The following CNTNAP5 variants were observed in gnomAD, a reference collection of about 807,000 sequenced individuals.
The protein encoded by CNTNAP5 is contactin-associated protein-like 5.
Under a neutral mutation model 150.2 loss-of-function variants are expected in CNTNAP5, and 72 were observed. The observed-to-expected ratio is 0.48, with a 90% CI of 0.40 to 0.58. The LOEUF (loss-of-function observed/expected upper bound fraction) is 0.58. Ranked by LOEUF, CNTNAP5 falls within the 20% of genes least tolerant of loss-of-function variation. The pLI, the probability that CNTNAP5 is intolerant of heterozygous loss-of-function variation, is 0.00. For synonymous variants in CNTNAP5, 672 were observed against 619.8 expected, an observed-to-expected ratio of 1.08 and a Z score of -1.25; for missense variants, 1,636 against 1,626.2, an observed-to-expected ratio of 1.01 and a Z score of -0.10.
intron 6 of CNTNAP5, among the ~76,000 whole-genome samples, chr2:124,468,593 T>C (rs1245818734): frequency 6.6e-6 from 1 of 152,126 alleles, no homozygotes; most frequent in African/African-American, 2.4e-5. Context: ...TAATCTCTTC[T>C]GGCAACAGCC....
At position 124,294,517 on chromosome 2, in the gene CNTNAP5, G is replaced by A. The variant is rs76050933; in HGVS notation, c.381+52124G>A. ...GGCAGTGGAAACCACAAAATGACAA[G>A]TGCAAAAGCCCTGGGGCAGGATCAA... On this transcript the variant is annotated intron_variant, in intron 3 of 23. Coordinates refer to ENST00000682447, the MANE Select transcript of CNTNAP5 (RefSeq NM_001367498.1). Among the ~76,000 whole-genome samples the A allele has an allele frequency of 5.8e-3, 888 of 152,256 alleles. 12 individuals carry two copies. Among genetic ancestry groups the A allele is most frequent in the African/African-American group, 0.02 (844 of 41,548 alleles).
At chr2:124,047,135 C>T (rs1001113370) in intron 1 of CNTNAP5, among the ~76,000 whole-genome samples, 2 of 152,182 alleles carry the variant, frequency 1.3e-5, no homozygotes, top group Non-Finnish European at 2.9e-5. Context: ...ACACTTACTA[C>T]AGACTAGAAA....
chr2:124,090,214 A>T (rs1424025887), intron 1 of CNTNAP5, among the ~76,000 whole-genome samples: 1 of 152,224 alleles, frequency 6.6e-6, no homozygotes, highest in Non-Finnish European at 1.5e-5. Flanking sequence ...ATAATTTAGG[A>T]TGATTATAAA....
intron 17 of CNTNAP5, among the ~76,000 whole-genome samples, chr2:124,775,810 C>T (rs1234418275): frequency 1.3e-5 from 2 of 152,260 alleles, no homozygotes; most frequent in East Asian, 1.9e-4. Context: ...AAGCTGCAAG[C>T]GTGTGGCATT....
intron 1 of CNTNAP5, among the ~76,000 whole-genome samples, chr2:124,072,780 T>C (rs2104666053): frequency 6.6e-6 from 1 of 152,146 alleles, no homozygotes; most frequent in Non-Finnish European, 1.5e-5. Flanking sequence ...ATGTCCACAT[T>C]ACCCAAAACA....
chr2:124,731,146 A>T (rs1680262455), intron 13 of CNTNAP5, among the ~76,000 whole-genome samples: 1 of 152,082 alleles, frequency 6.6e-6, no homozygotes, highest in African/African-American at 2.4e-5. Flanking sequence ...ACTTGCAGCC[A>T]TCAGTCATGT....
At chr2:124,795,196 G>A (rs1681818875) in intron 18 of CNTNAP5, among the ~76,000 whole-genome samples, 2 of 152,124 alleles carry the variant, frequency 1.3e-5, no homozygotes, top group South Asian at 2.1e-4. Flanking sequence ...AATTCATCCT[G>A]ATTTATATTT....
chr2:124,175,589 C>A (rs1347265138), intron 1 of CNTNAP5, among the ~76,000 whole-genome samples: 1 of 152,070 alleles, frequency 6.6e-6, no homozygotes, highest in East Asian at 1.9e-4. Flanking sequence ...CAGCCCTTGC[C>A]CCCACCCAAG....
rs1558893951 is a variant in CNTNAP5 at position 124,419,932 on chromosome 2, CTTT to C, written c.529+2343_529+2345del. Reference sequence around the variant, plus strand: ...TCTTTCTTTCTTTCTTTCTTTCTTTCTTTCTTTCTTTCTTTCTTTCTTTCCTTT... The same window carrying C: ...TCTTTCTTTCTTTCTTTCTTTCTTTCCTTTCTTTCTTTCTTTCTTTCCTTT... On this transcript the variant is annotated intron_variant, in intron 4 of 23. Coordinates refer to ENST00000682447, the MANE Select transcript of CNTNAP5 (RefSeq NM_001367498.1). 5.2e-3 allele frequency among the ~76,000 whole-genome samples: 663 copies of C among 126,560 alleles called. 8 individuals carry two copies. The highest frequency in any genetic ancestry group is 0.019 in the African/African-American group (617 of 32,632). 83.0% of individuals were successfully genotyped at this position (126,560 alleles called of 152,430 possible).
intron 1 of CNTNAP5, among the ~76,000 whole-genome samples, chr2:124,190,165 CT>C (rs1260823187): frequency 2.6e-5 from 4 of 152,172 alleles, no homozygotes; most frequent in African/African-American, 9.7e-5. Context: ...AGCTTCATCT[CT>C]TTTTATTCCA....
chr2:124,380,647 C>T (rs746619926), intron 3 of CNTNAP5, among the ~76,000 whole-genome samples: 12 of 152,198 alleles, frequency 7.9e-5, no homozygotes, highest in East Asian at 1.9e-4. Flanking sequence ...TCATCTCTTT[C>T]GAAATTTGTA....
chr2:124,819,776 G>C (rs895447767), intron 19 of CNTNAP5, among the ~76,000 whole-genome samples: 7 of 152,154 alleles, frequency 4.6e-5, no homozygotes, highest in Non-Finnish European at 1.0e-4. Context: ...GAGAAATAGA[G>C]AGTCTGGGAC....
intron 13 of CNTNAP5, among the ~76,000 whole-genome samples, chr2:124,694,169 A>T (rs111477193): frequency 0.013 from 1,946 of 152,300 alleles, 41 homozygotes; most frequent in African/African-American, 0.043. Flanking sequence ...AAGTTTCTTC[A>T]AATGAATGCT....
chr2:124,178,271 G>C (rs982967989), intron 1 of CNTNAP5, among the ~76,000 whole-genome samples: 1 of 152,116 alleles, frequency 6.6e-6, no homozygotes, highest in Non-Finnish European at 1.5e-5. Flanking sequence ...CTCACTGTAC[G>C]TGTAGAAATT....
At chr2:124,779,264 A>C (rs528262221) in intron 17 of CNTNAP5, among the ~76,000 whole-genome samples, 1 of 152,228 alleles carries the variant, frequency 6.6e-6, no homozygotes, top group Non-Finnish European at 1.5e-5. Flanking sequence ...GGGCCCAAGA[A>C]GGAACATCTC....
At chr2:124,158,047 AAT>A (rs1684585843) in intron 1 of CNTNAP5, among the ~76,000 whole-genome samples, 1 of 152,198 alleles carries the variant, frequency 6.6e-6, no homozygotes. Context: ...GTCAAGTGGA[AAT>A]ATAGAGAGAA....
intron 13 of CNTNAP5, among the ~76,000 whole-genome samples, chr2:124,726,718 A>C (rs1014640132): frequency 6.6e-6 from 1 of 151,772 alleles, no homozygotes; most frequent in Non-Finnish European, 1.5e-5. Context: ...TTTCTTATGG[A>C]TTTTGATGAT....
chr2:124,490,544 T>G (rs972405434), intron 7 of CNTNAP5, among the ~76,000 whole-genome samples: 1 of 152,128 alleles, frequency 6.6e-6, no homozygotes. Context: ...AGAGTTCTTA[T>G]GTAAGAAGTA....
intron 19 of CNTNAP5, among the ~76,000 whole-genome samples, chr2:124,828,703 C>T (rs1682649280): frequency 9.3e-6 from 1 of 107,632 alleles, no homozygotes. Flanking sequence ...CAAGGACCTA[C>T]TATATGCCTT....
Sources: gnomAD v4.1 joint callset for allele counts (sites outside exome capture counted in the v4.1 genomes callset) on GRCh38, gnomAD v4.1.1 for gene constraint, MANE v1.5 for transcripts, NCBI Gene and HGNC (gene_info 2026-07-23, HGNC 2026-07-21) for gene names.